Variants in CTNNA3 observed in about 807,000 individuals in gnomAD.
CTNNA3 encodes the protein catenin alpha-3.
Under a neutral mutation model 95.7 loss-of-function variants are expected in CTNNA3, and 76 were observed. The ratio of observed to expected loss-of-function variants is 0.79; its 90% CI spans 0.66 to 0.96. The LOEUF (loss-of-function observed/expected upper bound fraction) is 0.96. CTNNA3 is among the 40% of genes least tolerant of loss of function. The pLI is 0.00. For missense variants in CTNNA3, 1,191 were observed against 1,089.8 expected, an observed-to-expected ratio of 1.09 and a Z score of -1.31; for synonymous variants, 431 against 374.4, an observed-to-expected ratio of 1.15 and a Z score of -1.74.
intron 7 of CTNNA3, among the ~76,000 whole-genome samples, chr10:66,986,447 A>G (rs2132910099): frequency 6.6e-6 from 1 of 152,284 alleles, no homozygotes; most frequent in South Asian, 2.1e-4. Context: ...CAATAAGCCA[A>G]GATTTCACCA....
intron 17 of CTNNA3, among the ~76,000 whole-genome samples, chr10:65,934,655 A>G (rs2077307691): frequency 6.6e-6 from 1 of 152,202 alleles, no homozygotes; most frequent in South Asian, 2.1e-4. Flanking sequence ...TCAAATCAAC[A>G]TGGTATTGAG....
intron 16 of CTNNA3, among the ~76,000 whole-genome samples, chr10:65,970,616 G>A (rs565465686): frequency 1.3e-5 from 2 of 150,194 alleles, no homozygotes; most frequent in East Asian, 3.9e-4. Context: ...CAAAAAAGAG[G>A]AGCGGCTATT....
chr10:66,455,262 T>C (rs1415666170), intron 11 of CTNNA3, among the ~76,000 whole-genome samples: 2 of 152,190 alleles, frequency 1.3e-5, no homozygotes, highest in Non-Finnish European at 2.9e-5. Context: ...TTCTAACTAC[T>C]ACAATAACAA....
At chr10:67,024,153 C>G (rs1245602358) in intron 7 of CTNNA3, among the ~76,000 whole-genome samples, 4 of 152,200 alleles carry the variant, frequency 2.6e-5, no homozygotes, top group Non-Finnish European at 5.9e-5. Context: ...GTTTCCTTGC[C>G]TCTCTAGCTT....
intron 16 of CTNNA3, among the ~76,000 whole-genome samples, chr10:65,980,345 C>A (rs139255057): frequency 6.9e-4 from 105 of 151,614 alleles, no homozygotes; most frequent in African/African-American, 2.0e-3. Context: ...AAATTGCCAA[C>A]AACAACAACA....
At chr10:67,644,660 G>GTACTGGTTTTT (rs1839648929) in intron 2 of CTNNA3, among the ~76,000 whole-genome samples, 2 of 151,562 alleles carry the variant, frequency 1.3e-5, no homozygotes, top group Non-Finnish European at 2.9e-5. Flanking sequence ...TTGATAAGGA[G>GTACTGGTTTTT]AATCCCATTA....
chr10:67,737,947 C>T (rs1841311978), intron 1 of CTNNA3, among the ~76,000 whole-genome samples: 1 of 152,214 alleles, frequency 6.6e-6, no homozygotes, highest in South Asian at 2.1e-4. Context: ...TACAAAGACA[C>T]CTCCTACAGG....
chr10:66,291,654 T>C, intron 12 of CTNNA3, among the ~76,000 whole-genome samples: 1 of 152,214 alleles, frequency 6.6e-6, no homozygotes, highest in Non-Finnish European at 1.5e-5. Flanking sequence ...TTTATTGTAA[T>C]AGTTGTTATT....
intron 2 of CTNNA3, among the ~76,000 whole-genome samples, chr10:67,639,202 C>G (rs1839434255): frequency 6.6e-6 from 1 of 152,170 alleles, no homozygotes; most frequent in African/African-American, 2.4e-5. Flanking sequence ...GAAATACAAA[C>G]TACCATCAGA....
chr10:67,737,155 A>G (rs1453674274), intron 1 of CTNNA3, among the ~76,000 whole-genome samples: 2 of 152,224 alleles, frequency 1.3e-5, no homozygotes, highest in East Asian at 3.9e-4. Flanking sequence ...TTAAAGCACA[A>G]TGGACTAAAA....
intron 13 of CTNNA3, among the ~76,000 whole-genome samples, chr10:66,176,188 GT>G (rs1211614181): frequency 6.6e-6 from 1 of 152,150 alleles, no homozygotes; most frequent in African/African-American, 2.4e-5. Flanking sequence ...GTGCGCACAT[GT>G]ATTTGTGAAA....
chr10:66,942,548 G>GTC (rs67598003), intron 7 of CTNNA3, among the ~76,000 whole-genome samples: 2,023 of 148,096 alleles, frequency 0.014, 18 homozygotes, highest in African/African-American at 0.028. Flanking sequence ...TTGCCATAAT[G>GTC]TCTCTCTCTC....
At chr10:66,834,529 A>G (rs541925063) in intron 7 of CTNNA3, among the ~76,000 whole-genome samples, 1 of 152,354 alleles carries the variant, frequency 6.6e-6, no homozygotes, top group African/African-American at 2.4e-5. Context: ...GACCTACCCA[A>G]GGTTACACAA....
Position 65,916,351 on chromosome 10 carries a change from T to G in CTNNA3, c.*3979A>C, listed in dbSNP as rs922045429. ...CCAACAAAAGAAAGTACAGATTTCA[T>G]TCAAATTCAGATTCTGGTGCCTGCT... On this transcript the variant is annotated 3_prime_UTR_variant, in exon 18 of 18. Coordinates refer to ENST00000433211, the MANE Select transcript of CTNNA3 (RefSeq NM_013266.4). 2 of 152,176 alleles carry G rather than the reference T, an allele frequency of 1.3e-5. No homozygotes were observed. Among genetic ancestry groups the G allele is most frequent in the African/African-American group, 4.8e-5 (2 of 41,458 alleles). The allele number at this position is 152,176 out of a possible 1,614,324, so 9.4% of individuals were successfully genotyped here.
intron 3 of CTNNA3, among the ~76,000 whole-genome samples, chr10:67,552,294 C>T (rs1188503646): frequency 6.6e-6 from 1 of 152,002 alleles, no homozygotes; most frequent in Non-Finnish European, 1.5e-5. Flanking sequence ...AGAGGTTAGA[C>T]CTGAACCAGC....
intron 17 of CTNNA3, 77 bp downstream of exon 17, chr10:65,966,535 T>C: frequency 8.3e-7 from 1 of 1,211,756 alleles, no homozygotes; most frequent in Non-Finnish European, 1.1e-6. Flanking sequence ...AAAGATTTGG[T>C]CATGTAAACA....
intron 9 of CTNNA3, among the ~76,000 whole-genome samples, chr10:66,722,978 A>G (rs1848675353): frequency 2.6e-5 from 4 of 152,134 alleles, no homozygotes; most frequent in African/African-American, 4.8e-5. Context: ...TTTCTGCTCT[A>G]TCATTCAGAA....
At chr10:67,076,774 T>G (rs921734663) in intron 7 of CTNNA3, among the ~76,000 whole-genome samples, 2 of 152,146 alleles carry the variant, frequency 1.3e-5, no homozygotes, top group Admixed American at 1.3e-4. Flanking sequence ...AGAGAAACTT[T>G]CAAAAGCAAT....
At chr10:66,091,511 G>T (rs1325273809) in intron 14 of CTNNA3, among the ~76,000 whole-genome samples, 1 of 151,872 alleles carries the variant, frequency 6.6e-6, no homozygotes, top group Non-Finnish European at 1.5e-5. Flanking sequence ...ACTGTTCTAA[G>T]TGTGGGGGAA....
Sources: gnomAD v4.1 joint callset for allele counts (sites outside exome capture counted in the v4.1 genomes callset) on GRCh38, gnomAD v4.1.1 for gene constraint, MANE v1.5 for transcripts, NCBI Gene and HGNC (gene_info 2026-07-23, HGNC 2026-07-21) for gene names.